The following CBFA2T3 variants were observed in gnomAD, a reference collection of about 807,000 sequenced individuals.
CBFA2T3 encodes transcriptional corepressor CBFA2T3.
CBFA2T3 carries 31 observed loss-of-function variants against 58.6 expected under a neutral mutation model. The observed-to-expected ratio is 0.53, with a 90% confidence interval of 0.40 to 0.71. CBFA2T3 has a LOEUF of 0.71. Among genes scored for constraint, CBFA2T3 ranks in the 30% least tolerant of loss-of-function variants. The pLI is 0.00. For missense variants in CBFA2T3, 1,076 were observed against 963.1 expected (o/e 1.12, Z -1.55); for synonymous variants, 531 against 421.9 (o/e 1.26, Z -3.17).
intron 1 of CBFA2T3, among the ~76,000 whole-genome samples, chr16:88,971,024 G>A (rs1306717818): frequency 6.6e-6 from 1 of 152,156 alleles, no homozygotes; most frequent in Non-Finnish European, 1.5e-5. Flanking sequence ...TGTGAGTGCC[G>A]GAGGCCGACG....
intron 3 of CBFA2T3, 103 bp downstream of exon 3, chr16:88,897,975 G>T: frequency 2.4e-6 from 2 of 845,234 alleles, no homozygotes; most frequent in East Asian, 4.9e-5. Flanking sequence ...TGCGGAGGCC[G>T]GGGAGGAGAG....
intron 1 of CBFA2T3, among the ~76,000 whole-genome samples, chr16:88,905,308 G>T (rs1970265831): frequency 6.6e-6 from 1 of 152,134 alleles, no homozygotes; most frequent in African/African-American, 2.4e-5. Context: ...CTCTCCCCCA[G>T]TGCGGGGCTC....
chr16:88,971,703 G>C (rs1037855492), intron 1 of CBFA2T3, among the ~76,000 whole-genome samples: 1 of 152,240 alleles, frequency 6.6e-6, no homozygotes, highest in African/African-American at 2.4e-5. Flanking sequence ...CAAAGGGTGG[G>C]TGGGCGGCCC....
intron 1 of CBFA2T3, among the ~76,000 whole-genome samples, chr16:88,914,389 C>T (rs888577913): frequency 2.6e-5 from 4 of 152,160 alleles, no homozygotes; most frequent in East Asian, 1.9e-4. Context: ...TGCAGTGCTG[C>T]GAGCATACAT....
chr16:88,931,301 G>C (rs888308821), intron 1 of CBFA2T3, among the ~76,000 whole-genome samples: 4 of 152,158 alleles, frequency 2.6e-5, no homozygotes, highest in African/African-American at 9.7e-5. Context: ...TGGAAACCAG[G>C]AGGGTGGAGG....
chr16:88,901,475 C>A (rs1250299372), intron 2 of CBFA2T3, 29 bp downstream of exon 2: 1 of 1,335,968 alleles, frequency 7.5e-7, no homozygotes, highest in Non-Finnish European at 1.0e-6. Context: ...AAACACCTGG[C>A]CCTCGGCTGC....
At chr16:88,895,762 C>T (rs1201092182) in intron 3 of CBFA2T3, among the ~76,000 whole-genome samples, 1 of 152,182 alleles carries the variant, frequency 6.6e-6, no homozygotes, top group African/African-American at 2.4e-5. Context: ...CTCAGACACA[C>T]CAGCGTGGTG....
At chr16:88,941,000 G>A in intron 1 of CBFA2T3, 2 of 972,844 alleles carry the variant, frequency 2.1e-6, no homozygotes, top group South Asian at 4.6e-5. Context: ...GGCGGCGCGC[G>A]GGGCGGACAC....
At chr16:88,910,085 C>T (rs916907487) in intron 1 of CBFA2T3, among the ~76,000 whole-genome samples, 4 of 152,230 alleles carry the variant, frequency 2.6e-5, no homozygotes, top group African/African-American at 9.6e-5. Context: ...CACCAGCTGT[C>T]CCCTCTGGCC....
intron 1 of CBFA2T3, among the ~76,000 whole-genome samples, chr16:88,965,803 A>G (rs1452079398): frequency 6.6e-6 from 1 of 152,144 alleles, no homozygotes; most frequent in African/African-American, 2.4e-5. Context: ...TTTGTAAGCA[A>G]TTTCATCTTA....
At chr16:88,955,973 C>T (rs1254905073) in intron 1 of CBFA2T3, among the ~76,000 whole-genome samples, 1 of 151,242 alleles carries the variant, frequency 6.6e-6, no homozygotes, top group African/African-American at 2.4e-5. Flanking sequence ...GGCTCCTGAC[C>T]CCGCCCAAGG....
rs1046446167 is a variant in CBFA2T3, at chr16:88,975,140, C to T, written c.151+1517G>A. On this transcript the variant is annotated intron_variant, in intron 1 of 11. Coordinates refer to ENST00000268679, the MANE Select transcript of CBFA2T3 (RefSeq NM_005187.6). Reference sequence around the variant, plus strand: ...ACCCTGGCCCTCTGCTCCTGACCTGCAGCCATGTCAGAGGTCCACCCTGAC... The same window carrying T: ...ACCCTGGCCCTCTGCTCCTGACCTGTAGCCATGTCAGAGGTCCACCCTGAC... 2.3e-4 allele frequency among the ~76,000 whole-genome samples: 29 copies of T among 128,322 alleles called. 1 individual carries two copies. The highest frequency in any genetic ancestry group is 2.2e-3 in the South Asian group (9 of 4,114). The allele number at this position is 128,322 out of a possible 152,430, so 84.2% of individuals were successfully genotyped here.
intron 5 of CBFA2T3, among the ~76,000 whole-genome samples, chr16:88,891,634 C>T (rs994969152): frequency 6.6e-6 from 1 of 152,216 alleles, no homozygotes; most frequent in African/African-American, 2.4e-5. Flanking sequence ...TGATAATCAT[C>T]CGGTCTGGCA....
intron 3 of CBFA2T3, among the ~76,000 whole-genome samples, chr16:88,896,886 G>A (rs536733114): frequency 9.2e-5 from 14 of 152,206 alleles, no homozygotes; most frequent in African/African-American, 3.1e-4. Flanking sequence ...GCCTGCCCGC[G>A]CACTCCCTCC....
intron 1 of CBFA2T3, among the ~76,000 whole-genome samples, chr16:88,964,703 T>C (rs1337851570): frequency 6.6e-6 from 1 of 152,172 alleles, no homozygotes; most frequent in African/African-American, 2.4e-5. Context: ...TCCTGCTTCC[T>C]TACCTTTTTA....
intron 10 of CBFA2T3, chr16:88,880,147 C>T (rs116305802): frequency 0.018 from 2,771 of 156,100 alleles, 81 homozygotes; most frequent in African/African-American, 0.06. Context: ...GCACTGCCCA[C>T]GCAGCTGGGG....
intron 1 of CBFA2T3, among the ~76,000 whole-genome samples, chr16:88,909,552 C>T (rs7405030): frequency 0.027 from 1,896 of 70,714 alleles, 41 homozygotes; most frequent in African/African-American, 0.087. Context: ...GGACAGAAGA[C>T]GCCACTGCAA....
chr16:88,951,903 C>T (rs1972083907), intron 1 of CBFA2T3, among the ~76,000 whole-genome samples: 1 of 152,222 alleles, frequency 6.6e-6, no homozygotes, highest in African/African-American at 2.4e-5. Context: ...TGCCCCTGCC[C>T]ATCCTATAGT....
At chr16:88,943,556 G>A (rs984902591) in intron 1 of CBFA2T3, among the ~76,000 whole-genome samples, 1 of 152,194 alleles carries the variant, frequency 6.6e-6, no homozygotes, top group African/African-American at 2.4e-5. Context: ...CAGGCAGGAG[G>A]GCTTCCTTTA....
Sources: gnomAD v4.1 joint callset for allele counts (sites outside exome capture counted in the v4.1 genomes callset) on GRCh38, gnomAD v4.1.1 for gene constraint, MANE v1.5 for transcripts, NCBI Gene and HGNC (gene_info 2026-07-23, HGNC 2026-07-21) for gene names.